The following WWOX variants were observed in gnomAD, a reference collection of about 807,000 sequenced individuals.
WWOX encodes WW domain containing oxidoreductase.
A neutral mutation model predicts 46.2 loss-of-function variants in WWOX; 69 were observed. That is an observed-to-expected ratio of 1.49 (90% CI 1.23 to 1.82). The LOEUF (loss-of-function observed/expected upper bound fraction) is 1.82, where lower values mean the gene tolerates loss of function less well. Ranked by LOEUF, WWOX falls within the 40% of genes most tolerant of loss-of-function variation. The pLI, the probability that WWOX is intolerant of heterozygous loss-of-function variation, is 0.00. For synonymous variants in WWOX, 359 were observed against 202.6 expected, an observed-to-expected ratio of 1.77 and a Z score of -6.56; for missense variants, 919 against 542.6, an observed-to-expected ratio of 1.69 and a Z score of -6.89.
intron 8 of WWOX, among the ~76,000 whole-genome samples, chr16:78,718,155 C>A (rs1478132637): frequency 7.9e-6 from 1 of 126,636 alleles, no homozygotes; most frequent in East Asian, 2.3e-4. Context: ...TTTATAGTAT[C>A]TCTTTTTTAT....
At chr16:78,592,949 A>C (rs1366418027) in intron 8 of WWOX, among the ~76,000 whole-genome samples, 1 of 152,188 alleles carries the variant, frequency 6.6e-6, no homozygotes, top group African/African-American at 2.4e-5. Flanking sequence ...GCCCCACCCA[A>C]CACTACTGCT....
rs558871915 is a variant in WWOX, at chr16:78,133,541, T to C, written c.409+18387T>C. Among the ~76,000 whole-genome samples, 5 of 151,366 alleles carry C rather than the reference T, an allele frequency of 3.3e-5. No homozygotes were observed. In the East Asian group the frequency reaches 9.7e-4, roughly 29 times the overall value. On this transcript the variant is annotated intron_variant, in intron 4 of 8. Transcript: ENST00000566780. Reference sequence around the variant, plus strand: ...CTCCCAAAGTGCTGGGATTACAGGCTCACGCCACCATGCCTAGCTGATTTT... The same window carrying C: ...CTCCCAAAGTGCTGGGATTACAGGCCCACGCCACCATGCCTAGCTGATTTT...
intron 8 of WWOX, among the ~76,000 whole-genome samples, chr16:78,700,064 A>G (rs947522046): frequency 6.6e-6 from 1 of 152,002 alleles, no homozygotes; most frequent in African/African-American, 2.4e-5. Flanking sequence ...GATGCTGGCT[A>G]CACCCTCAGT....
At chr16:78,357,144 C>G (rs1392623592) in intron 5 of WWOX, among the ~76,000 whole-genome samples, 1 of 152,160 alleles carries the variant, frequency 6.6e-6, no homozygotes, top group East Asian at 1.9e-4. Flanking sequence ...TAGTTTGAAT[C>G]TTTGAGTCAC....
chr16:78,947,441 A>G (rs979980512), intron 8 of WWOX, among the ~76,000 whole-genome samples: 1 of 152,180 alleles, frequency 6.6e-6, no homozygotes, highest in African/African-American at 2.4e-5. Context: ...GTGCTAACTG[A>G]GATGAAAGGA....
chr16:78,698,289 T>C (rs1371523950), intron 8 of WWOX, among the ~76,000 whole-genome samples: 2 of 152,226 alleles, frequency 1.3e-5, no homozygotes, highest in Middle Eastern at 3.2e-3. Context: ...GGTTTACCAC[T>C]GACCCCATCA....
At chr16:78,761,192 TC>T (rs1454782267) in intron 8 of WWOX, among the ~76,000 whole-genome samples, 2 of 152,200 alleles carry the variant, frequency 1.3e-5, no homozygotes, top group East Asian at 3.9e-4. Context: ...ATTTTCTTTT[TC>T]TTCCAAATAT....
At chr16:78,938,227 C>G (rs144869924) in intron 8 of WWOX, among the ~76,000 whole-genome samples, 109 of 152,326 alleles carry the variant, frequency 7.2e-4, no homozygotes, top group African/African-American at 2.5e-3. Context: ...CTTCCACACA[C>G]CTGGACGTGA....
intron 8 of WWOX, among the ~76,000 whole-genome samples, chr16:79,075,945 C>T (rs11150133): frequency 0.4 from 60,696 of 152,066 alleles, 12,509 homozygotes; most frequent in East Asian, 0.75. Flanking sequence ...TCTGCTCTAA[C>T]GTTGGATCAT....
intron 5 of WWOX, among the ~76,000 whole-genome samples, chr16:78,291,083 T>G (rs2079849840): frequency 6.6e-6 from 1 of 152,238 alleles, no homozygotes; most frequent in African/African-American, 2.4e-5. Flanking sequence ...TTTCTCTCTC[T>G]CTTTCTTCTT....
At chr16:78,964,362 C>A (rs757793608) in intron 8 of WWOX, among the ~76,000 whole-genome samples, 1 of 152,036 alleles carries the variant, frequency 6.6e-6, no homozygotes, top group South Asian at 2.1e-4. Flanking sequence ...ATGAGGAGCT[C>A]GTTGGGAATT....
At chr16:78,771,103 C>A (rs2142519498) in intron 8 of WWOX, among the ~76,000 whole-genome samples, 1 of 152,308 alleles carries the variant, frequency 6.6e-6, no homozygotes, top group East Asian at 1.9e-4. Flanking sequence ...TGCAACACAG[C>A]AGGTGTGGAT....
At chr16:78,204,555 C>T (rs932021093) in intron 5 of WWOX, among the ~76,000 whole-genome samples, 1 of 152,106 alleles carries the variant, frequency 6.6e-6, no homozygotes, top group Non-Finnish European at 1.5e-5. Context: ...TCCTCATCAA[C>T]CCCCCACTAC....
intron 5 of WWOX, among the ~76,000 whole-genome samples, chr16:78,314,049 C>T (rs941929621): frequency 1.3e-5 from 2 of 152,056 alleles, no homozygotes; most frequent in African/African-American, 2.4e-5. Context: ...TAAAATGGAG[C>T]TGGGCATCTG....
At chr16:79,049,657 G>C (rs917699881) in intron 8 of WWOX, among the ~76,000 whole-genome samples, 1 of 152,010 alleles carries the variant, frequency 6.6e-6, no homozygotes, top group Non-Finnish European at 1.5e-5. Context: ...CCATGATGGC[G>C]AAACCCCGTC....
chr16:78,511,259 G>C (rs537542174), intron 8 of WWOX, among the ~76,000 whole-genome samples: 1 of 152,318 alleles, frequency 6.6e-6, no homozygotes, highest in South Asian at 2.1e-4. Context: ...AGTACAATTA[G>C]TCACCATGTC....
chr16:79,042,468 G>T (rs138477724), intron 8 of WWOX, among the ~76,000 whole-genome samples: 90 of 152,298 alleles, frequency 5.9e-4, no homozygotes, highest in Middle Eastern at 3.4e-3. Flanking sequence ...CCTCTGCCCA[G>T]TGTAAATTGG....
At chr16:78,350,575 C>T (rs9924096) in intron 5 of WWOX, among the ~76,000 whole-genome samples, 59,167 of 118,898 alleles carry the variant, frequency 0.5, 23,024 homozygotes, top group African/African-American at 0.62. Context: ...CTTTGTGTCT[C>T]GATCCTTACA....
At chr16:78,756,930 T>G (rs2049663864) in intron 8 of WWOX, 1 of 703,020 alleles carries the variant, frequency 1.4e-6, no homozygotes, top group Non-Finnish European at 2.6e-6. Flanking sequence ...ATGTGGATCA[T>G]TCACTCTAGG....
Sources: allele counts gnomAD v4.1 joint callset (sites outside exome capture counted in the v4.1 genomes callset), GRCh38; gene constraint gnomAD v4.1.1; transcripts MANE v1.5; gene names NCBI Gene and HGNC (gene_info 2026-07-23, HGNC 2026-07-21).